ERBIN: variants seen among roughly 807,000 people sequenced by gnomAD.
ERBIN encodes densin-180-like protein.
In ERBIN, 60 loss-of-function variants were observed where a neutral mutation model predicts 158.4. That is an observed-to-expected ratio of 0.38 (90% confidence interval 0.31 to 0.47). ERBIN has a LOEUF of 0.47. Ranked by LOEUF, ERBIN falls within the 20% of genes least tolerant of loss-of-function variation. The pLI is 0.99. For missense variants in ERBIN, 1,610 were observed against 1,648.0 expected (o/e 0.98, Z 0.40); for synonymous variants, 594 against 557.2 (o/e 1.07, Z -0.93).
intron 5 of ERBIN, among the ~76,000 whole-genome samples, chr5:66,012,821 A>T (rs1422593989): frequency 6.6e-6 from 1 of 152,240 alleles, no homozygotes; most frequent in East Asian, 1.9e-4. Context: ...AAATAGAAGT[A>T]AAGCTAACAC....
rs1561380749 is a variant in ERBIN at position 66,018,508 on chromosome 5, A to ATATAT, written c.534-2808_534-2804dup. Among the ~76,000 whole-genome samples, 46 of 10,018 alleles carry ATATAT rather than the reference A, an allele frequency of 4.6e-3. 4 individuals are homozygous for ATATAT. Among genetic ancestry groups the ATATAT allele is most frequent in the Non-Finnish European group, 6.6e-3 (32 of 4,838 alleles). 6.6% of individuals were successfully genotyped at this position (10,018 alleles called of 152,430 possible). A position where few individuals can be genotyped will look rare whatever the true frequency, so the allele number is the denominator to read the frequency against. On this transcript the variant is annotated intron_variant, in intron 7 of 25. Coordinates refer to ENST00000284037, the MANE Select transcript of ERBIN (RefSeq NM_001253697.2). Reference sequence around the variant, plus strand: ...TATATTATATTATATAATATATATTATATATTATATAATATATATTATATT... The same window carrying ATATAT: ...TATATTATATTATATAATATATATTATATATTATATTATATAATATATATTATATT...
chr5:65,969,718 T>C (rs191368065), intron 1 of ERBIN, among the ~76,000 whole-genome samples: 1 of 152,162 alleles, frequency 6.6e-6, no homozygotes, highest in Non-Finnish European at 1.5e-5. Flanking sequence ...CACAGCTTGA[T>C]TTTGTGTCAC....
intron 7 of ERBIN, among the ~76,000 whole-genome samples, chr5:66,018,461 A>T (rs1337434212): frequency 4.6e-3 from 38 of 8,238 alleles, no homozygotes; most frequent in Non-Finnish European, 7.2e-3. Flanking sequence ...ATATTATATT[A>T]TATAATATAT....
chr5:65,998,841 G>C (rs532974088), intron 4 of ERBIN, among the ~76,000 whole-genome samples: 16 of 141,170 alleles, frequency 1.1e-4, no homozygotes, highest in African/African-American at 4.2e-4. Context: ...GCTGCGGTAA[G>C]CCGTGATCAT....
intron 18 of ERBIN, 128 bp from the exon 19 acceptor site, chr5:66,048,539 C>T: frequency 1.6e-6 from 1 of 623,800 alleles, no homozygotes; most frequent in South Asian, 2.0e-5. Flanking sequence ...TATTTTATTG[C>T]CGTATCTTGA....
At chr5:66,067,129 C>G (rs1319896568) in intron 21 of ERBIN, among the ~76,000 whole-genome samples, 1 of 152,070 alleles carries the variant, frequency 6.6e-6, no homozygotes, top group East Asian at 1.9e-4. Context: ...TTTATGAAAC[C>G]TCCAGATTGC....
Position 66,038,444 on chromosome 5 carries a change from C to A in ERBIN, c.1268C>A (p.Thr423Asn). ...TDSETQKMVL[T>N]NYMFPQQPRT... ...TCAGAGACCCAGAAAATGGTGCTTACCAACTACATGTTCCCTCAACAGCCA... is the reference window on the plus strand; with the variant it reads ...TCAGAGACCCAGAAAATGGTGCTTAACAACTACATGTTCCCTCAACAGCCA... The change falls in exon 15 of 26, where the codon ACC (threonine) becomes AAC (asparagine). Residue 423 changes from threonine to asparagine, a missense_variant. Around this residue, in one of 2 missense-constraint regions of ERBIN, gnomAD observed 596 missense variants for 711.9 expected, o/e 0.84. Coordinates refer to ENST00000284037, the MANE Select transcript of ERBIN (RefSeq NM_001253697.2). 1 of 1,612,104 alleles carries A rather than the reference C, an allele frequency of 6.2e-7. No individual in the cohort carries two copies. Among genetic ancestry groups the A allele is most frequent in the Non-Finnish European group, 8.5e-7 (1 of 1,178,724 alleles).
chr5:65,968,487 A>G (rs781288678), intron 1 of ERBIN, among the ~76,000 whole-genome samples: 7 of 152,242 alleles, frequency 4.6e-5, no homozygotes, highest in Non-Finnish European at 1.0e-4. Context: ...ACTAGTTACA[A>G]GACCTACATT....
chr5:66,051,618 A>G (rs762021427), intron 20 of ERBIN, among the ~76,000 whole-genome samples: 6 of 152,190 alleles, frequency 3.9e-5, no homozygotes, highest in Non-Finnish European at 8.8e-5. Flanking sequence ...TGGGCTGAGC[A>G]TGGTGGCTTA....
In ERBIN at chr5:66,068,947, A is replaced by T. The variant is rs868509314; in HGVS notation, c.3634-3222A>T. 40 of 1,535,820 alleles carry T rather than the reference A, an allele frequency of 2.6e-5. No homozygotes were observed. In the Middle Eastern group the frequency reaches 6.7e-4, roughly 26 times the overall value. On this transcript the variant is annotated intron_variant, in intron 21 of 25. Transcript: ENST00000284037. ...AGTTTTCACTGTGGCAGCTCTAGGG[A>T]TCTGCATGGCAGCCAGGGCAGTCTT...
rs1315210507 is a variant in ERBIN, at chr5:66,018,459, T to TAA, written c.534-2863_534-2862insAA. On this transcript the variant is annotated intron_variant, in intron 7 of 25. Transcript: ENST00000284037. ...TATATATAATATAATATATATTATATTATATAATATATATTATATATTATA... is the reference window on the plus strand; with the variant it reads ...TATATATAATATAATATATATTATATAATATATAATATATATTATATATTATA... 1.9e-3 allele frequency among the ~76,000 whole-genome samples: 22 copies of TAA among 11,368 alleles called. 2 individuals carry two copies. The highest frequency in any genetic ancestry group is 0.016 in the East Asian group (7 of 442). The allele number at this position is 11,368 out of a possible 152,430, so 7.5% of individuals were successfully genotyped here.
chr5:65,929,824 A>G (rs1432554149), intron 1 of ERBIN, among the ~76,000 whole-genome samples: 1 of 151,972 alleles, frequency 6.6e-6, no homozygotes, highest in African/African-American at 2.4e-5. Flanking sequence ...TATTTTTAGT[A>G]GAGACAGGTT....
rs1759314468 is a variant in ERBIN, at chr5:66,053,961, A to G, written c.2643A>G (p.Leu881=). 6.2e-7 allele frequency: 1 copy of G among 1,614,176 alleles called. No individual in the cohort carries two copies. The part of the protein sequence containing the change: ...HSITNMEIGG[L]KIYDILSDNG... Reference sequence around the variant, plus strand: ...TAACTAATATGGAGATTGGAGGGCTAAAAATCTATGATATTCTTAGTGATA... The same window carrying G: ...TAACTAATATGGAGATTGGAGGGCTGAAAATCTATGATATTCTTAGTGATA... Residue 881 remains leucine, a synonymous_variant, in exon 21 of 26, where the codon CTA becomes CTG. Transcript: ENST00000284037.
intron 5 of ERBIN, 47 bp from the exon 6 acceptor site, chr5:66,013,502 C>T (rs1368214560): frequency 7.9e-7 from 1 of 1,260,200 alleles, no homozygotes; most frequent in Non-Finnish European, 1.2e-6. Context: ...TAATAAAAGA[C>T]TGAATTTCTT....
intron 1 of ERBIN, among the ~76,000 whole-genome samples, chr5:65,979,304 TG>T (rs1464914452): frequency 1.3e-5 from 2 of 152,040 alleles, no homozygotes; most frequent in East Asian, 3.9e-4. Flanking sequence ...GGTGCATGCC[TG>T]TAGTCCCAAC....
intron 5 of ERBIN, among the ~76,000 whole-genome samples, chr5:66,012,908 A>G (rs956483859): frequency 4.6e-5 from 7 of 152,214 alleles, no homozygotes; most frequent in Non-Finnish European, 8.8e-5. Flanking sequence ...ATAAAATCGT[A>G]TAATCTTAAA....
chr5:66,031,093 A>G (rs1352048446), intron 14 of ERBIN, among the ~76,000 whole-genome samples: 2 of 152,188 alleles, frequency 1.3e-5, no homozygotes, highest in Non-Finnish European at 2.9e-5. Context: ...ATACCTAGAA[A>G]ATTTCCCTTA....
chr5:65,938,656 G>A lies in ERBIN; in HGVS notation c.-58+11850G>A, dbSNP rs541043800. On this transcript the variant is annotated intron_variant, in intron 1 of 25. Transcript: ENST00000284037. ...CAACCTCCACCTCCTGGGTTCAAGC[G>A]ATTCTTCTGCCTCAGCCTTCCAAGT... 1.3e-4 allele frequency among the ~76,000 whole-genome samples: 20 copies of A among 152,208 alleles called. 1 individual carries two copies. Among genetic ancestry groups the A allele is most frequent in the African/African-American group, 4.3e-4 (18 of 41,524 alleles).
At chr5:66,047,977 G>T (rs1194656706) in intron 18 of ERBIN, among the ~76,000 whole-genome samples, 1 of 151,868 alleles carries the variant, frequency 6.6e-6, no homozygotes, top group Non-Finnish European at 1.5e-5. Flanking sequence ...AATGTACTAA[G>T]TGTTAAAGAA....
Sources: gnomAD v4.1 joint callset for allele counts (sites outside exome capture counted in the v4.1 genomes callset) on GRCh38, gnomAD v4.1.1 for gene constraint, gnomAD v4.1.1 regional missense constraint, MANE v1.5 for transcripts, NCBI Gene and HGNC (gene_info 2026-07-23, HGNC 2026-07-21) for gene names.